CDH13: variants seen among roughly 807,000 people sequenced by gnomAD.
CDH13 encodes cadherin-13.
CDH13 carries 24 observed loss-of-function variants against 63.8 expected under a neutral mutation model. The ratio of observed to expected loss-of-function variants is 0.38; its 90% CI spans 0.27 to 0.53. The LOEUF is 0.53. Among genes scored for constraint, CDH13 ranks in the 20% least tolerant of loss-of-function variants. CDH13 has a pLI of 0.85. For missense variants in CDH13, 1,049 were observed against 903.1 expected (o/e 1.16, Z -2.07); for synonymous variants, 503 against 355.3 (o/e 1.42, Z -4.67).
intron 2 of CDH13, among the ~76,000 whole-genome samples, chr16:83,019,439 T>G (rs1915130269): frequency 6.6e-6 from 1 of 152,048 alleles, no homozygotes. Flanking sequence ...TATCAATGCC[T>G]TCTTCTGGAT....
At chr16:83,369,737 G>C (rs1389643899) in intron 6 of CDH13, among the ~76,000 whole-genome samples, 1 of 152,014 alleles carries the variant, frequency 6.6e-6, no homozygotes, top group Non-Finnish European at 1.5e-5. Flanking sequence ...TTCTAGTCTT[G>C]ATGCCTCTCC....
intron 7 of CDH13, among the ~76,000 whole-genome samples, chr16:83,490,439 G>C (rs2073988506): frequency 6.6e-6 from 1 of 152,172 alleles, no homozygotes; most frequent in Non-Finnish European, 1.5e-5. Flanking sequence ...CACTTTGGTT[G>C]TTATCCTTTC....
At chr16:83,330,727 G>T (rs1013971542) in intron 5 of CDH13, among the ~76,000 whole-genome samples, 31 of 152,320 alleles carry the variant, frequency 2.0e-4, no homozygotes, top group Non-Finnish European at 1.3e-4. Flanking sequence ...TGGGAATGGG[G>T]TGGCGTGGGG....
intron 8 of CDH13, among the ~76,000 whole-genome samples, chr16:83,603,956 C>T (rs945237867): frequency 1.3e-5 from 2 of 152,080 alleles, no homozygotes; most frequent in African/African-American, 2.4e-5. Flanking sequence ...GTGCCACACA[C>T]TTTTAAGCAA....
intron 3 of CDH13, among the ~76,000 whole-genome samples, chr16:83,064,151 A>G (rs1180047678): frequency 6.6e-6 from 1 of 152,156 alleles, no homozygotes; most frequent in Non-Finnish European, 1.5e-5. Context: ...TGGGCAGACC[A>G]TGAGGTCAGG....
intron 1 of CDH13, among the ~76,000 whole-genome samples, chr16:82,827,607 C>T (rs72807804): frequency 0.15 from 23,090 of 152,096 alleles, 2,431 homozygotes; most frequent in Non-Finnish European, 0.22. Context: ...TACTGGGCAA[C>T]GTCTGACCCC....
rs960612301 is a variant in CDH13 at position 83,214,905 on chromosome 16, C to T, written c.484-2440C>T. Among the ~76,000 whole-genome samples the T allele has an allele frequency of 1.7e-4, 26 of 152,050 alleles. 1 individual carries two copies. Among genetic ancestry groups the T allele is most frequent in the Admixed American group, 1.5e-3 (23 of 15,274 alleles). ...CTGTCTAATCCGTGGAGTTCATTCT[C>T]GCTACTTGCCAGCCACAGGGATCCA... On this transcript the variant is annotated intron_variant, in intron 4 of 13. Coordinates refer to ENST00000567109, the MANE Select transcript of CDH13 (RefSeq NM_001257.5).
chr16:82,787,309 AAAC>A (rs2151127797), intron 1 of CDH13, among the ~76,000 whole-genome samples: 1 of 152,330 alleles, frequency 6.6e-6, no homozygotes, highest in African/African-American at 2.4e-5. Context: ...GTCAAAAAAC[AAAC>A]AACTTTCCCT....
intron 1 of CDH13, among the ~76,000 whole-genome samples, chr16:82,802,364 C>T (rs1426233003): frequency 6.6e-6 from 1 of 152,186 alleles, no homozygotes; most frequent in Non-Finnish European, 1.5e-5. Flanking sequence ...TGGTGGCTTT[C>T]TCAGCTTTAC....
At position 83,177,696 on chromosome 16, in the gene CDH13, T is replaced by C. The variant is rs551692254; in HGVS notation, c.484-39649T>C. Among the ~76,000 whole-genome samples the C allele has an allele frequency of 3.3e-5, 5 of 152,332 alleles. No individual in the cohort carries two copies. In the South Asian group the frequency reaches 6.2e-4, roughly 19 times the overall value. Reference sequence around the variant, plus strand: ...ATAAGCCTGTCAAGACCCACGCCTGTTACTCAAAATCTCTTTTAGGGTTAT... The same window carrying C: ...ATAAGCCTGTCAAGACCCACGCCTGCTACTCAAAATCTCTTTTAGGGTTAT... On this transcript the variant is annotated intron_variant, in intron 4 of 13. Coordinates refer to ENST00000567109, the MANE Select transcript of CDH13 (RefSeq NM_001257.5).
At chr16:83,475,821 G>T (rs1207558575) in intron 6 of CDH13, among the ~76,000 whole-genome samples, 1 of 152,174 alleles carries the variant, frequency 6.6e-6, no homozygotes, top group East Asian at 1.9e-4. Context: ...CTGACCTCGG[G>T]TGATCCACCC....
intron 1 of CDH13, among the ~76,000 whole-genome samples, chr16:82,671,270 T>A (rs981209211): frequency 3.3e-5 from 5 of 152,238 alleles, no homozygotes; most frequent in Admixed American, 1.3e-4. Flanking sequence ...AAGGGTTTTT[T>A]ATTTTTTGGT....
chr16:82,787,396 T>C (rs2036070779), intron 1 of CDH13, among the ~76,000 whole-genome samples: 1 of 152,196 alleles, frequency 6.6e-6, no homozygotes, highest in African/African-American at 2.4e-5. Flanking sequence ...CCCATTTGAC[T>C]CATTTCATTA....
chr16:83,458,567 G>T (rs941204545), intron 6 of CDH13, among the ~76,000 whole-genome samples: 1 of 152,090 alleles, frequency 6.6e-6, no homozygotes, highest in African/African-American at 2.4e-5. Flanking sequence ...AAATCTTGTG[G>T]TCATCTTTCC....
At chr16:82,846,449 G>A (rs934187425) in intron 1 of CDH13, among the ~76,000 whole-genome samples, 1 of 152,068 alleles carries the variant, frequency 6.6e-6, no homozygotes, top group African/African-American at 2.4e-5. Context: ...TTTGATTTGT[G>A]TTTACTCATT....
At chr16:82,673,844 C>T (rs1913579839) in intron 1 of CDH13, among the ~76,000 whole-genome samples, 1 of 152,178 alleles carries the variant, frequency 6.6e-6, no homozygotes, top group African/African-American at 2.4e-5. Flanking sequence ...ACAGAGGCAA[C>T]TGTATGGGCA....
chr16:83,345,712 T>C (rs2090825399), intron 6 of CDH13, among the ~76,000 whole-genome samples: 1 of 152,198 alleles, frequency 6.6e-6, no homozygotes, highest in Non-Finnish European at 1.5e-5. Flanking sequence ...CTCCTAAGTA[T>C]AATGCTTGAG....
At chr16:82,786,402 C>T (rs575847746) in intron 1 of CDH13, among the ~76,000 whole-genome samples, 1 of 149,416 alleles carries the variant, frequency 6.7e-6, no homozygotes, top group Non-Finnish European at 1.5e-5. Flanking sequence ...GGCTTACTTG[C>T]AATGATCCTT....
intron 7 of CDH13, among the ~76,000 whole-genome samples, chr16:83,593,577 T>C (rs1364034934): frequency 6.6e-6 from 1 of 150,748 alleles, no homozygotes; most frequent in African/African-American, 2.4e-5. Context: ...TATATATAAT[T>C]GTATATTTAT....
Sources: gnomAD v4.1 joint callset for allele counts (sites outside exome capture counted in the v4.1 genomes callset) on GRCh38, gnomAD v4.1.1 for gene constraint, MANE v1.5 for transcripts, NCBI Gene and HGNC (gene_info 2026-07-23, HGNC 2026-07-21) for gene names.